The following TENM3 variants were observed in gnomAD, a reference collection of about 807,000 sequenced individuals.
TENM3 encodes the protein teneurin transmembrane protein 3.
A neutral mutation model predicts 255.1 loss-of-function variants in TENM3; 63 were observed. The ratio of observed to expected loss-of-function variants is 0.25; its 90% CI spans 0.20 to 0.30. The LOEUF (loss-of-function observed/expected upper bound fraction) is 0.30, where lower values mean the gene tolerates loss of function less well. Among genes scored for constraint, TENM3 ranks in the 10% least tolerant of loss-of-function variants. The probability of loss-of-function intolerance (pLI) is 1.00; values close to 1 mark genes in which losing one functional copy is unlikely to be tolerated. For missense variants in TENM3, 2,929 were observed against 3,461.1 expected, an observed-to-expected ratio of 0.85 and a Z score of 3.86; for synonymous variants, 1,306 against 1,322.3, an observed-to-expected ratio of 0.99 and a Z score of 0.27.
At chr4:182,242,962 G>A (rs933811425), upstream of TENM3, among the ~76,000 whole-genome samples, 1 of 152,172 alleles carries the variant, frequency 6.6e-6, no homozygotes, top group African/African-American at 2.4e-5. Flanking sequence ...TAATCACTAG[G>A]TTTCTGACTT....
chr4:181,847,463 T>C, the TENM3 span, among the ~76,000 whole-genome samples: 4 of 152,290 alleles, frequency 2.6e-5, no homozygotes, highest in African/African-American at 9.6e-5. Context: ...GGGCTTTCTA[T>C]GACCCATATG....
the TENM3 span, among the ~76,000 whole-genome samples, chr4:181,534,751 G>A: frequency 0.045 from 6,888 of 152,160 alleles, 419 homozygotes; most frequent in African/African-American, 0.14. Context: ...CCCTCCACCC[G>A]CCGTTCACTG....
At chr4:182,324,371 T>A in intron 2 of TENM3, 119 bp downstream of exon 2, 1 of 747,924 alleles carries the variant, frequency 1.3e-6, no homozygotes, top group Non-Finnish European at 2.3e-6. Context: ...CTGCTGATTC[T>A]GATTTTGAGA....
At chr4:182,262,149 A>G (rs926787602) in intron 1 of TENM3, among the ~76,000 whole-genome samples, 3 of 152,210 alleles carry the variant, frequency 2.0e-5, no homozygotes, top group African/African-American at 7.2e-5. Context: ...ATTAAGTGCC[A>G]TACCTGATCA....
intron 1 of TENM3, among the ~76,000 whole-genome samples, chr4:182,284,565 A>T (rs949109320): frequency 6.6e-5 from 10 of 152,302 alleles, no homozygotes; most frequent in African/African-American, 2.2e-4. Context: ...CTGACACTCC[A>T]CTGCACCCTG....
At chr4:181,749,419 A>G in the TENM3 span, among the ~76,000 whole-genome samples, 1 of 152,154 alleles carries the variant, frequency 6.6e-6, no homozygotes, top group Non-Finnish European at 1.5e-5. Flanking sequence ...CCTCTTTTGT[A>G]AAGACCTTAA....
At chr4:182,094,806 G>A in the TENM3 span, among the ~76,000 whole-genome samples, 19 of 152,084 alleles carry the variant, frequency 1.2e-4, no homozygotes, top group Admixed American at 1.2e-3. Flanking sequence ...AAATGGAAAA[G>A]TGCAGAAATG....
At chr4:182,135,137 C>T in the TENM3 span, among the ~76,000 whole-genome samples, 6 of 125,434 alleles carry the variant, frequency 4.8e-5, no homozygotes, top group Admixed American at 2.0e-4. Context: ...ACCCGGGAGG[C>T]GGACGTTGCA....
the TENM3 span, among the ~76,000 whole-genome samples, chr4:181,514,774 G>A: frequency 1.3e-5 from 2 of 152,144 alleles, no homozygotes; most frequent in Non-Finnish European, 2.9e-5. Flanking sequence ...GGTAATTTAC[G>A]AAACATTCTG....
chr4:181,589,167 T>G, the TENM3 span, among the ~76,000 whole-genome samples: 1 of 152,198 alleles, frequency 6.6e-6, no homozygotes. Context: ...TAATTTGTCT[T>G]GGAAAAGGAG....
At chr4:181,789,938 G>A in the TENM3 span, among the ~76,000 whole-genome samples, 1 of 152,102 alleles carries the variant, frequency 6.6e-6, no homozygotes, top group African/African-American at 2.4e-5. Flanking sequence ...TGCCAAACCA[G>A]TCAATTTAAG....
At chr4:182,753,285 C>G (rs1762503770) in intron 20 of TENM3, among the ~76,000 whole-genome samples, 165 bp from the exon 21 acceptor site, 1 of 152,120 alleles carries the variant, frequency 6.6e-6, no homozygotes, top group African/African-American at 2.4e-5. Flanking sequence ...ATTATAAATG[C>G]CTGTGTTGGT....
chr4:181,456,924 C>T, the TENM3 span, among the ~76,000 whole-genome samples: 1 of 151,512 alleles, frequency 6.6e-6, no homozygotes, highest in Non-Finnish European at 1.5e-5. Flanking sequence ...AGAAAATTAC[C>T]CTATATAGTT....
chr4:182,325,228 A>G (rs1246114364), intron 2 of TENM3, among the ~76,000 whole-genome samples: 2 of 152,250 alleles, frequency 1.3e-5, no homozygotes, highest in African/African-American at 2.4e-5. Flanking sequence ...TGTGACTAAC[A>G]GTCTGATATT....
At chr4:182,175,312 A>G (rs1054493531) in intron 1 of TENM3, among the ~76,000 whole-genome samples, 1 of 79,302 alleles carries the variant, frequency 1.3e-5, no homozygotes, top group African/African-American at 4.1e-5. Context: ...TAAAAAAAAA[A>G]AAATATATAT....
chr4:182,669,339 G>A (rs543196678), intron 6 of TENM3, among the ~76,000 whole-genome samples: 2 of 151,964 alleles, frequency 1.3e-5, no homozygotes, highest in South Asian at 2.1e-4. Context: ...GCGCGATCTC[G>A]GCTCACTGCA....
the TENM3 span, among the ~76,000 whole-genome samples, chr4:181,704,580 G>A: frequency 1.3e-5 from 2 of 152,004 alleles, no homozygotes; most frequent in Non-Finnish European, 2.9e-5. Context: ...CAAACACAAA[G>A]TAAAATCATA....
At chr4:182,783,510 T>C (rs370788073) in intron 24 of TENM3, among the ~76,000 whole-genome samples, 9 of 152,006 alleles carry the variant, frequency 5.9e-5, no homozygotes, top group African/African-American at 1.7e-4. Flanking sequence ...ATTTCAACTT[T>C]GGTGAATCTG....
chr4:181,457,564 A>G, the TENM3 span, among the ~76,000 whole-genome samples: 3 of 151,814 alleles, frequency 2.0e-5, no homozygotes, highest in South Asian at 2.1e-4. Flanking sequence ...CATACAGAGT[A>G]TATCTTTAAG....
Sources: allele counts gnomAD v4.1 joint callset (sites outside exome capture counted in the v4.1 genomes callset), GRCh38; gene constraint gnomAD v4.1.1; transcripts MANE v1.5; gene names NCBI Gene and HGNC (gene_info 2026-07-23, HGNC 2026-07-21).